The following KIF2A variants were observed in gnomAD, a reference collection of about 807,000 sequenced individuals.
KIF2A encodes the protein kinesin family member 2A.
KIF2A carries 22 observed loss-of-function variants against 100.2 expected under a neutral mutation model. The ratio of observed to expected loss-of-function variants is 0.22; its 90% CI spans 0.16 to 0.31. The LOEUF is 0.31. Ranked by LOEUF, KIF2A falls within the 10% of genes least tolerant of loss-of-function variation. The pLI is 1.00. For missense variants in KIF2A, 495 were observed against 898.7 expected, an observed-to-expected ratio of 0.55 and a Z score of 5.74; for synonymous variants, 268 against 285.9, an observed-to-expected ratio of 0.94 and a Z score of 0.63.
Position 62,373,833 on chromosome 5 carries a change from A to G in KIF2A, c.1907A>G (p.Gln636Arg), listed in dbSNP as rs747484896. The change falls in exon 18 of 21, where the codon CAA (glutamine) becomes CGA (arginine). Residue 636 changes from glutamine to arginine, a missense_variant. Coordinates refer to ENST00000407818, the MANE Select transcript of KIF2A (RefSeq NM_001098511.3). ...GATGATCTAAAACTTCTTTGTGAAC[A>G]AAATGTGAGTGTACTATGGTTGTAA... ...QRDDLKLLCE[Q>R]NEEEVSPQLF... 1.9e-6 allele frequency: 3 copies of G among 1,607,302 alleles called. No individual in the cohort carries two copies. The South Asian group carries it at 3.3e-5, about 18-fold the overall frequency.
chr5:62,337,617 G>C (rs2111871692), intron 1 of KIF2A, among the ~76,000 whole-genome samples: 1 of 152,244 alleles, frequency 6.6e-6, no homozygotes, highest in East Asian at 1.9e-4. Context: ...GGAATTGCTT[G>C]AGACCAGAAG....
At chr5:62,376,495 C>G (rs1221693925) in intron 18 of KIF2A, among the ~76,000 whole-genome samples, 1 of 151,946 alleles carries the variant, frequency 6.6e-6, no homozygotes, top group Admixed American at 6.6e-5. Context: ...TCTCAGCTTA[C>G]TGCAACCTCC....
intron 1 of KIF2A, among the ~76,000 whole-genome samples, chr5:62,345,591 A>C (rs547284839): frequency 6.6e-6 from 1 of 152,180 alleles, no homozygotes; most frequent in Non-Finnish European, 1.5e-5. Flanking sequence ...TGAGCCCAGG[A>C]GTTTGAGACC....
chr5:62,316,818 G>A (rs1456219368), intron 1 of KIF2A, among the ~76,000 whole-genome samples: 1 of 152,136 alleles, frequency 6.6e-6, no homozygotes, highest in Non-Finnish European at 1.5e-5. Context: ...TTGGGGAGGA[G>A]AGGATGCAAA....
intron 10 of KIF2A, 41 bp from the exon 11 acceptor site, chr5:62,361,425 C>T (rs765866312): frequency 2.1e-6 from 3 of 1,445,926 alleles, no homozygotes; most frequent in Admixed American, 3.4e-5. Context: ...AAGAGTTATT[C>T]CTGAGTAATG....
rs779537183 is a variant in KIF2A at position 62,363,782 on chromosome 5, T to C, written c.1350T>C (p.His450=). The C allele has an allele frequency of 6.2e-7, 1 of 1,613,928 alleles. No individual in the cohort carries two copies. The highest frequency in any genetic ancestry group is 2.2e-5 in the East Asian group (1 of 44,872). Reference sequence around the variant, plus strand: ...TTCTTAGAAGGAAAGGAAAACTACATGGCAAATTTTCTCTCATTGATTTGG... The same window carrying C: ...TTCTTAGAAGGAAAGGAAAACTACACGGCAAATTTTCTCTCATTGATTTGG... ...QIILRRKGKL[H]GKFSLIDLAG... Residue 450 remains histidine (H), a synonymous_variant, in exon 14 of 21, where the codon CAT becomes CAC. Coordinates refer to ENST00000407818, the MANE Select transcript of KIF2A (RefSeq NM_001098511.3).
chr5:62,319,070 T>C (rs2111799895), intron 1 of KIF2A, among the ~76,000 whole-genome samples: 1 of 152,134 alleles, frequency 6.6e-6, no homozygotes, highest in African/African-American at 2.4e-5. Flanking sequence ...TACCTACCGC[T>C]ATAACTTTTG....
At chr5:62,348,902 A>G (rs931903083) in intron 3 of KIF2A, among the ~76,000 whole-genome samples, 1 of 152,346 alleles carries the variant, frequency 6.6e-6, no homozygotes, top group Non-Finnish European at 1.5e-5. Flanking sequence ...AAATACAAAG[A>G]TGAATGATGA....
At chr5:62,345,472 A>G (rs975657214) in intron 1 of KIF2A, among the ~76,000 whole-genome samples, 1 of 141,598 alleles carries the variant, frequency 7.1e-6, no homozygotes, top group African/African-American at 2.7e-5. Flanking sequence ...ATCGCTTGAG[A>G]CTCTGTCTCA....
intron 12 of KIF2A, 84 bp from the exon 13 acceptor site, chr5:62,363,094 C>T (rs1411382344): frequency 2.6e-6 from 3 of 1,153,652 alleles, no homozygotes; most frequent in East Asian, 5.4e-5. Context: ...TCCCAAAATG[C>T]TGGGATTACA....
intron 20 of KIF2A, 61 bp from the exon 21 acceptor site, chr5:62,385,423 G>A: frequency 1.7e-6 from 2 of 1,187,650 alleles, no homozygotes; most frequent in Admixed American, 4.0e-5. Flanking sequence ...AACCCATAAA[G>A]TTGTAAACTC....
At chr5:62,322,895 T>A (rs1746173503) in intron 1 of KIF2A, among the ~76,000 whole-genome samples, 1 of 129,368 alleles carries the variant, frequency 7.7e-6, no homozygotes, top group African/African-American at 2.9e-5. Flanking sequence ...ATTTTTAATG[T>A]TACTTTAAAA....
chr5:62,375,258 A>G (rs1168040304), intron 18 of KIF2A, among the ~76,000 whole-genome samples: 2 of 152,188 alleles, frequency 1.3e-5, no homozygotes, highest in Non-Finnish European at 2.9e-5. Context: ...TTTAAAATGC[A>G]TATTCTGCAT....
At chr5:62,352,907 AT>A in intron 5 of KIF2A, 197 bp downstream of exon 5, 4 of 460,316 alleles carry the variant, frequency 8.7e-6, no homozygotes, top group East Asian at 3.7e-5. Flanking sequence ...TGGAGCAAAA[AT>A]TTTTTTGTGA....
At chr5:62,332,709 A>G (rs1224761155) in intron 1 of KIF2A, among the ~76,000 whole-genome samples, 1 of 152,102 alleles carries the variant, frequency 6.6e-6, no homozygotes, top group Non-Finnish European at 1.5e-5. Flanking sequence ...ATCAACACGA[A>G]CTCCCTAACC....
chr5:62,312,061 T>C (rs1422259924), intron 1 of KIF2A, among the ~76,000 whole-genome samples: 1 of 152,232 alleles, frequency 6.6e-6, no homozygotes, highest in Non-Finnish European at 1.5e-5. Context: ...TGAAGTTGTA[T>C]ACTTTAGTAT....
rs1197588589 is a variant in KIF2A, at chr5:62,390,601, C to T, written c.*5032C>T. ...TGGGGAAGGAGCAGGAAGGGAGGAA[C>T]CTGCACACCACATTGGAACCTGCAC... is the stretch of plus-strand genomic sequence containing the variant. On this transcript the variant is annotated 3_prime_UTR_variant, in exon 21 of 21. Transcript: ENST00000407818. 1.3e-5 allele frequency among the ~76,000 whole-genome samples: 2 copies of T among 152,040 alleles called. No individual in the cohort carries two copies. Among genetic ancestry groups the T allele is most frequent in the Non-Finnish European group, 2.9e-5 (2 of 68,010 alleles).
Position 62,306,484 on chromosome 5 carries a change from C to A in KIF2A, c.12C>A (p.Ala4=), listed in dbSNP as rs1745278202. 2 of 1,545,778 alleles carry A rather than the reference C, an allele frequency of 1.3e-6. No individual in the cohort carries two copies. The highest frequency in any genetic ancestry group is 1.7e-6 in the Non-Finnish European group (2 of 1,144,990). Residue 4 remains alanine (A), a synonymous_variant, in exon 1 of 21, where the codon GCC becomes GCA. Coordinates refer to ENST00000407818, the MANE Select transcript of KIF2A (RefSeq NM_001098511.3). ...CTCCAGATGAGGTGATGGCAACGGC[C>A]AACTTCGGCAAGATCCAGATCGGGA... The part of the protein sequence containing the change: MAT[A]NFGKIQIGIY...
At chr5:62,353,508 T>G in intron 6 of KIF2A, 133 bp downstream of exon 6, 1 of 477,174 alleles carries the variant, frequency 2.1e-6, no homozygotes, top group Non-Finnish European at 3.8e-6. Context: ...AAATTGATAT[T>G]GAGGAATAAT....
Sources: gnomAD v4.1 joint callset for allele counts (sites outside exome capture counted in the v4.1 genomes callset) on GRCh38, gnomAD v4.1.1 for gene constraint, MANE v1.5 for transcripts, NCBI Gene and HGNC (gene_info 2026-07-23, HGNC 2026-07-21) for gene names.